The following ANKS1B variants were observed in gnomAD, a reference collection of about 807,000 sequenced individuals.
ANKS1B encodes ankyrin repeat and sterile alpha motif domain containing 1B.
A neutral mutation model predicts 148.3 loss-of-function variants in ANKS1B; 36 were observed. The ratio of observed to expected loss-of-function variants is 0.24; its 90% CI spans 0.19 to 0.32. The LOEUF is 0.32. Ranked by LOEUF, ANKS1B falls within the 10% of genes least tolerant of loss-of-function variation. ANKS1B has a pLI of 1.00. For missense variants in ANKS1B, 1,157 were observed against 1,542.6 expected, an observed-to-expected ratio of 0.75 and a Z score of 4.19; for synonymous variants, 542 against 560.8, an observed-to-expected ratio of 0.97 and a Z score of 0.47.
In ANKS1B at chr12:99,858,475, G is replaced by A. The variant is rs146024127; in HGVS notation, c.135-33086C>T. On this transcript the variant is annotated intron_variant, in intron 1 of 26. Transcript: ENST00000683438. ...ATGGAAAACAGTATGGAGATTCCTT[G>A]AAGAACTAAAAGTAGCTCCACCATT... 3.3e-5 allele frequency among the ~76,000 whole-genome samples: 5 copies of A among 152,232 alleles called. No individual in the cohort carries two copies. The East Asian group carries it at 9.7e-4, about 29-fold the overall frequency.
intron 16 of ANKS1B, among the ~76,000 whole-genome samples, chr12:99,075,989 A>G (rs1008031385): frequency 2.0e-5 from 3 of 151,704 alleles, no homozygotes; most frequent in African/African-American, 7.3e-5. Flanking sequence ...TCTCTATATA[A>G]AAATCAATTT....
At chr12:99,942,367 G>C (rs751119373) in intron 1 of ANKS1B, among the ~76,000 whole-genome samples, 5 of 152,168 alleles carry the variant, frequency 3.3e-5, no homozygotes, top group African/African-American at 4.8e-5. Context: ...ATATTTGAGA[G>C]AGCAGCAGAG....
At chr12:98,934,593 C>T (rs1201745143) in intron 17 of ANKS1B, among the ~76,000 whole-genome samples, 1 of 152,086 alleles carries the variant, frequency 6.6e-6, no homozygotes, top group Non-Finnish European at 1.5e-5. Flanking sequence ...ATCTTCCAAT[C>T]CATGAACATT....
At chr12:99,685,660 C>CA (rs1400865773) in intron 8 of ANKS1B, among the ~76,000 whole-genome samples, 1 of 151,848 alleles carries the variant, frequency 6.6e-6, no homozygotes, top group Non-Finnish European at 1.5e-5. Flanking sequence ...CTGGCAATTG[C>CA]AAAAATATGG....
rs529707231 is a variant in ANKS1B at position 98,954,964 on chromosome 12, C to T, written c.2778+98193G>A. ...CCTCCATTTCTTTATTCCTGCCTTTCATCCTTTAAGTGTTTGTTGAGTGAT... is the reference window on the plus strand; with the variant it reads ...CCTCCATTTCTTTATTCCTGCCTTTTATCCTTTAAGTGTTTGTTGAGTGAT... On this transcript the variant is annotated intron_variant, in intron 17 of 26. Coordinates refer to ENST00000683438, the MANE Select transcript of ANKS1B (RefSeq NM_001352186.2). Among the ~76,000 whole-genome samples the T allele has an allele frequency of 3.0e-3, 410 of 138,294 alleles. 2 individuals are homozygous for T. The highest frequency in any genetic ancestry group is 1.0e-2 in the African/African-American group (383 of 38,390). 90.7% of individuals were successfully genotyped at this position (138,294 alleles called of 152,430 possible). A position where few individuals can be genotyped will look rare whatever the true frequency, so the allele number is the denominator to read the frequency against.
intron 17 of ANKS1B, among the ~76,000 whole-genome samples, chr12:98,935,902 G>A (rs1383376885): frequency 6.6e-6 from 1 of 152,118 alleles, no homozygotes; most frequent in Non-Finnish European, 1.5e-5. Context: ...CAGGCACTTA[G>A]GTGGCCTTAA....
At chr12:99,208,687 C>A (rs2082968130) in intron 14 of ANKS1B, among the ~76,000 whole-genome samples, 1 of 152,118 alleles carries the variant, frequency 6.6e-6, no homozygotes, top group South Asian at 2.1e-4. Flanking sequence ...CTGGAGGCTT[C>A]ATGAAACTGC....
chr12:99,940,932 A>C (rs757968072), intron 1 of ANKS1B, among the ~76,000 whole-genome samples: 1 of 152,172 alleles, frequency 6.6e-6, no homozygotes, highest in Non-Finnish European at 1.5e-5. Flanking sequence ...CCTTCATTTC[A>C]ATCAAAAGCA....
At position 98,829,386 on chromosome 12, in the gene ANKS1B, T is replaced by C. The variant is rs1405936033; in HGVS notation, c.2887-33A>G. The C allele has an allele frequency of 6.3e-6, 10 of 1,598,184 alleles. No individual in the cohort carries two copies. The highest frequency in any genetic ancestry group is 8.5e-6 in the Non-Finnish European group (10 of 1,170,406). ...GAAATACATCATGAAATAAATACCA[T>C]GTTCTGTGGCTAACCTTTGGTTTCA... On this transcript the variant is annotated intron_variant, in intron 18 of 26. Coordinates refer to ENST00000683438, the MANE Select transcript of ANKS1B (RefSeq NM_001352186.2). The surrounding 1 kb of genome is among the most constrained non-coding windows in gnomAD (Gnocchi z 5.2).
chr12:99,500,819 AT>A (rs2096648218), intron 10 of ANKS1B, among the ~76,000 whole-genome samples: 1 of 152,102 alleles, frequency 6.6e-6, no homozygotes, highest in African/African-American at 2.4e-5. Context: ...CCTCAAATAT[AT>A]TATATTTGTC....
intron 12 of ANKS1B, among the ~76,000 whole-genome samples, chr12:99,269,851 AC>A (rs2076851852): frequency 6.6e-6 from 1 of 152,062 alleles, no homozygotes; most frequent in African/African-American, 2.4e-5. Flanking sequence ...GAGCCACTGC[AC>A]CCGGCCGACT....
intron 1 of ANKS1B, among the ~76,000 whole-genome samples, chr12:99,959,944 C>T (rs1352082304): frequency 6.6e-6 from 1 of 152,112 alleles, no homozygotes; most frequent in Non-Finnish European, 1.5e-5. Context: ...AATTGACAGA[C>T]ACACTATCTT....
intron 17 of ANKS1B, among the ~76,000 whole-genome samples, chr12:99,016,869 G>A (rs557812111): frequency 1.3e-5 from 2 of 152,296 alleles, no homozygotes; most frequent in African/African-American, 4.8e-5. Context: ...TGCTGGAACT[G>A]GGCCTGCCCC....
At chr12:99,493,789 G>A (rs532499215) in intron 10 of ANKS1B, among the ~76,000 whole-genome samples, 1 of 152,272 alleles carries the variant, frequency 6.6e-6, no homozygotes, top group African/African-American at 2.4e-5. Flanking sequence ...AGATATATAA[G>A]TAAATAAGTA....
chr12:98,957,786 TG>T (rs1293292592), intron 17 of ANKS1B, among the ~76,000 whole-genome samples: 1 of 152,124 alleles, frequency 6.6e-6, no homozygotes. Flanking sequence ...TAGTAGCTTG[TG>T]GGGGACTGAT....
chr12:99,639,525 A>C (rs1044484487), intron 9 of ANKS1B, among the ~76,000 whole-genome samples: 1 of 152,048 alleles, frequency 6.6e-6, no homozygotes, highest in Admixed American at 6.5e-5. Flanking sequence ...CCCCACCAAA[A>C]TCTCATCGTG....
chr12:98,909,150 C>T (rs993243291), intron 17 of ANKS1B, among the ~76,000 whole-genome samples: 1 of 152,118 alleles, frequency 6.6e-6, no homozygotes, highest in South Asian at 2.1e-4. Context: ...TCAGGCCACG[C>T]ATTTCTGGAG....
intron 17 of ANKS1B, among the ~76,000 whole-genome samples, chr12:98,857,551 AGAG>A (rs997520228): frequency 1.3e-5 from 2 of 151,816 alleles, no homozygotes; most frequent in African/African-American, 4.8e-5. Flanking sequence ...GGATAAGTCT[AGAG>A]AAGAAGAGAC....
At chr12:99,325,460 C>G (rs2086132316) in intron 12 of ANKS1B, among the ~76,000 whole-genome samples, 1 of 152,078 alleles carries the variant, frequency 6.6e-6, no homozygotes, top group Non-Finnish European at 1.5e-5. Context: ...CCTGCAGTGG[C>G]AGACCACCCA....
Sources: allele counts gnomAD v4.1 joint callset (sites outside exome capture counted in the v4.1 genomes callset), GRCh38; gene constraint gnomAD v4.1.1; non-coding constraint Gnocchi (gnomAD v3.1); transcripts MANE v1.5; gene names NCBI Gene and HGNC (gene_info 2026-07-23, HGNC 2026-07-21).